The following KLHL2 variants were observed in gnomAD, a reference collection of about 807,000 sequenced individuals.
KLHL2 encodes kelch-like protein 2.
A neutral mutation model predicts 75.8 loss-of-function variants in KLHL2; 15 were observed. The ratio of observed to expected loss-of-function variants is 0.20; its 90% CI spans 0.13 to 0.30. The LOEUF is 0.30. KLHL2 is among the 10% of genes least tolerant of loss of function. The pLI is 1.00. For synonymous variants in KLHL2, 214 were observed against 251.9 expected, an observed-to-expected ratio of 0.85 and a Z score of 1.42; for missense variants, 381 against 741.0, an observed-to-expected ratio of 0.51 and a Z score of 5.64.
chr4:165,231,042 T>G (rs1329888369), intron 3 of KLHL2, among the ~76,000 whole-genome samples: 1 of 152,260 alleles, frequency 6.6e-6, no homozygotes, highest in Non-Finnish European at 1.5e-5. Flanking sequence ...TGCTATGCGC[T>G]AAAGTACTTG....
At chr4:165,298,991 G>GT (rs1282933609) in intron 7 of KLHL2, among the ~76,000 whole-genome samples, 1 of 130,896 alleles carries the variant, frequency 7.6e-6, no homozygotes, top group Non-Finnish European at 1.5e-5. Flanking sequence ...CCTGTCCTGC[G>GT]TTTGAGGTCA....
intron 5 of KLHL2, among the ~76,000 whole-genome samples, chr4:165,281,065 T>G (rs573177437): frequency 9.2e-5 from 14 of 152,318 alleles, no homozygotes; most frequent in African/African-American, 3.1e-4. Context: ...ACTATTGTTA[T>G]TCATACTTTT....
chr4:165,247,010 C>G (rs1482368819), intron 4 of KLHL2, among the ~76,000 whole-genome samples: 1 of 152,124 alleles, frequency 6.6e-6, no homozygotes, highest in African/African-American at 2.4e-5. Flanking sequence ...TATGTGGTGT[C>G]ACAGAATGCT....
At chr4:165,317,728 A>C in intron 13 of KLHL2, 98 bp from the exon 14 acceptor site, 1 of 899,876 alleles carries the variant, frequency 1.1e-6, no homozygotes, top group Non-Finnish European at 1.7e-6. Flanking sequence ...CTTTCAAAGA[A>C]ATTAGTGTCT....
chr4:165,298,102 C>G (rs1018665587), intron 7 of KLHL2, among the ~76,000 whole-genome samples: 1 of 152,182 alleles, frequency 6.6e-6, no homozygotes, highest in African/African-American at 2.4e-5. Flanking sequence ...GGATTACAGG[C>G]CTTGTGAGGC....
At chr4:165,263,805 G>GTTTTTTTTTTTT (rs55901119) in intron 5 of KLHL2, among the ~76,000 whole-genome samples, 8 of 66,476 alleles carry the variant, frequency 1.2e-4, no homozygotes, top group East Asian at 5.8e-4. Flanking sequence ...TTTTTACATT[G>GTTTTTTTTTTTT]TTTTTTTTTT....
chr4:165,248,146 T>C (rs1202670314), intron 4 of KLHL2, among the ~76,000 whole-genome samples: 1 of 152,120 alleles, frequency 6.6e-6, no homozygotes, highest in Non-Finnish European at 1.5e-5. Context: ...AATAAGAAAG[T>C]CTAGAGCAAG....
At chr4:165,261,976 T>C (rs1253299690) in intron 4 of KLHL2, among the ~76,000 whole-genome samples, 2 of 152,144 alleles carry the variant, frequency 1.3e-5, no homozygotes, top group Non-Finnish European at 2.9e-5. Context: ...TAGTTGAAGG[T>C]TTTTTTGTGG....
chr4:165,284,769 A>G (rs2126442098), intron 5 of KLHL2, among the ~76,000 whole-genome samples: 1 of 152,326 alleles, frequency 6.6e-6, no homozygotes, highest in African/African-American at 2.4e-5. Context: ...TGATAAAGAC[A>G]TATCTGAGAC....
At chr4:165,262,843 TG>T (rs887862674) in intron 4 of KLHL2, among the ~76,000 whole-genome samples, 14 of 152,306 alleles carry the variant, frequency 9.2e-5, no homozygotes, top group African/African-American at 3.4e-4. Context: ...CCTCCCAAAG[TG>T]CCGGGATTAC....
At chr4:165,220,119 TGTA>T (rs1737863522) in intron 2 of KLHL2, 60 bp downstream of exon 2, 1 of 1,551,708 alleles carries the variant, frequency 6.4e-7, no homozygotes, top group Admixed American at 2.0e-5. Context: ...TTCAGTTGTT[TGTA>T]GTGAATATAT....
intron 4 of KLHL2, among the ~76,000 whole-genome samples, chr4:165,242,893 ATC>A (rs1404009789): frequency 6.6e-6 from 1 of 152,200 alleles, no homozygotes; most frequent in East Asian, 1.9e-4. Context: ...ACATGAGTAT[ATC>A]TCTAGTTATA....
At chr4:165,215,084 A>G (rs1380593428) in intron 1 of KLHL2, among the ~76,000 whole-genome samples, 1 of 152,186 alleles carries the variant, frequency 6.6e-6, no homozygotes, top group African/African-American at 2.4e-5. Flanking sequence ...TTTGTAGATT[A>G]GTCTACTGTT....
chr4:165,303,203 G>A (rs1745464712), intron 8 of KLHL2, among the ~76,000 whole-genome samples: 1 of 152,118 alleles, frequency 6.6e-6, no homozygotes, highest in African/African-American at 2.4e-5. Flanking sequence ...GTATGTAATA[G>A]CACAGTTTTC....
chr4:165,311,809 C>CTCTCTGTGTGTG (rs1367964726), intron 11 of KLHL2, among the ~76,000 whole-genome samples: 4 of 144,790 alleles, frequency 2.8e-5, no homozygotes, highest in Admixed American at 1.4e-4. Context: ...TCCTTTCTCT[C>CTCTCTGTGTGTG]TGTGTGTGTG....
At chr4:165,315,052 T>C (rs1746490290) in intron 13 of KLHL2, among the ~76,000 whole-genome samples, 1 of 152,168 alleles carries the variant, frequency 6.6e-6, no homozygotes, top group African/African-American at 2.4e-5. Flanking sequence ...TGTTTGGCCT[T>C]GCACGTCATC....
chr4:165,251,870 A>G lies in KLHL2; in HGVS notation c.382-11327A>G, dbSNP rs562465585. Among the ~76,000 whole-genome samples, 354 of 152,146 alleles carry G rather than the reference A, an allele frequency of 2.3e-3. 2 individuals are homozygous for G. The highest frequency in any genetic ancestry group is 8.1e-3 in the African/African-American group (337 of 41,512). ...GTGATCCGCCCGCCTCGGCCTCCCA[A>G]AGTGCTGGGATTACAGGCGTGAGCC... On this transcript the variant is annotated intron_variant, in intron 4 of 14. Coordinates refer to ENST00000226725, the MANE Select transcript of KLHL2 (RefSeq NM_007246.4).
intron 5 of KLHL2, among the ~76,000 whole-genome samples, chr4:165,276,377 T>C (rs1743101014): frequency 6.6e-6 from 1 of 152,168 alleles, no homozygotes; most frequent in East Asian, 1.9e-4. Flanking sequence ...TTGTCATAAA[T>C]GAAACTTTGT....
chr4:165,295,093 C>T (rs1466195049), intron 6 of KLHL2, among the ~76,000 whole-genome samples: 1 of 152,170 alleles, frequency 6.6e-6, no homozygotes, highest in Non-Finnish European at 1.5e-5. Flanking sequence ...TGTCTCTCCA[C>T]GTTTTGAATT....
Sources: gnomAD v4.1 joint callset for allele counts (sites outside exome capture counted in the v4.1 genomes callset) on GRCh38, gnomAD v4.1.1 for gene constraint, MANE v1.5 for transcripts, NCBI Gene and HGNC (gene_info 2026-07-23, HGNC 2026-07-21) for gene names.